Variants in IL17RD observed in about 807,000 individuals in gnomAD.
The protein encoded by IL17RD is interleukin 17 receptor D.
IL17RD carries 52 observed loss-of-function variants against 80.5 expected under a neutral mutation model. The observed-to-expected ratio is 0.65, with a 90% CI of 0.52 to 0.81. The LOEUF is 0.81. Among genes scored for constraint, IL17RD ranks in the 40% least tolerant of loss-of-function variants. The pLI is 0.00. For synonymous variants in IL17RD, 416 were observed against 391.8 expected (o/e 1.06, Z -0.73); for missense variants, 1,024 against 955.1 (o/e 1.07, Z -0.95).
At chr3:57,100,693 G>A (rs1448483988) in intron 11 of IL17RD, among the ~76,000 whole-genome samples, 1 of 151,996 alleles carries the variant, frequency 6.6e-6, no homozygotes, top group African/African-American at 2.4e-5. Context: ...CTTCTCCCTG[G>A]ACCTCAAGAT....
chr3:57,131,950 C>T (rs772390704), intron 1 of IL17RD, among the ~76,000 whole-genome samples: 3 of 152,192 alleles, frequency 2.0e-5, no homozygotes, highest in Non-Finnish European at 4.4e-5. Context: ...TTTTGGGAGG[C>T]GGAGGCCAGC....
intron 1 of IL17RD, among the ~76,000 whole-genome samples, chr3:57,136,508 G>A (rs1480285389): frequency 1.3e-5 from 2 of 151,844 alleles, no homozygotes; most frequent in Non-Finnish European, 2.9e-5. Flanking sequence ...GGTGGCATAC[G>A]CCTGTAGTCC....
chr3:57,107,816 G>GT (rs1480384954), intron 5 of IL17RD, among the ~76,000 whole-genome samples: 11 of 152,180 alleles, frequency 7.2e-5, no homozygotes, highest in Admixed American at 7.2e-4. Context: ...TCGGCATCTA[G>GT]TAAGTGGGGA....
In IL17RD at chr3:57,094,704, A is replaced by G. The variant is rs1560191069; in HGVS notation, c.*1689T>C. The G allele has an allele frequency of 6.6e-6, 1 of 152,252 alleles. No homozygotes were observed. Among genetic ancestry groups the G allele is most frequent in the Non-Finnish European group, 1.5e-5 (1 of 68,058 alleles). The allele number at this position is 152,252 out of a possible 1,614,324, so 9.4% of individuals were successfully genotyped here. On this transcript the variant is annotated 3_prime_UTR_variant, in exon 13 of 13. Coordinates refer to ENST00000296318, the MANE Select transcript of IL17RD (RefSeq NM_017563.5). ...TCTCCTTCACAGAATGCCTAGGATG[A>G]AATGGCGGGGCAGTCATGTGTGGGT...
chr3:57,163,323 T>G (rs1456583554), intron 1 of IL17RD, among the ~76,000 whole-genome samples: 1 of 152,102 alleles, frequency 6.6e-6, no homozygotes, highest in African/African-American at 2.4e-5. Context: ...AACGTCAGCA[T>G]AAGTGTGAGG....
At chr3:57,096,597 T>C in intron 12 of IL17RD, 92 bp from the exon 13 acceptor site, 5 of 902,096 alleles carry the variant, frequency 5.5e-6, no homozygotes, top group Non-Finnish European at 9.3e-6. Context: ...GATCTGGGTT[T>C]GGACTATGGG....
At chr3:57,146,061 T>A (rs759042119) in intron 1 of IL17RD, among the ~76,000 whole-genome samples, 11 of 146,318 alleles carry the variant, frequency 7.5e-5, no homozygotes, top group Non-Finnish European at 1.2e-4. Flanking sequence ...ACACACACAC[T>A]GATGCATGCA....
At position 57,120,284 on chromosome 3, in the gene IL17RD, C is replaced by G. The variant is rs370500415; in HGVS notation, c.156G>C (p.Gly52=). 107 of 1,613,562 alleles carry G rather than the reference C, an allele frequency of 6.6e-5. No homozygotes were observed. The highest frequency in any genetic ancestry group is 7.0e-5 in the Non-Finnish European group (82 of 1,179,592). ...RGVGPASRNS[G]LYNITFKYDN... The stretch of plus-strand genomic sequence containing the variant: ...CATATTTGAAGGTGATGTTGTACAG[C>G]CCACTGTTTCTGCTGGCTGGCCCCA... The change falls in exon 2 of 13, where the codon GGG becomes GGC. Residue 52 remains glycine, a synonymous_variant. Coordinates refer to ENST00000296318, the MANE Select transcript of IL17RD (RefSeq NM_017563.5).
At position 57,097,704 on chromosome 3, in the gene IL17RD, A is replaced by G. The variant is rs1579253249; in HGVS notation, c.1999T>C (p.Ser667Pro). 3 of 1,605,480 alleles carry G rather than the reference A, an allele frequency of 1.9e-6. No homozygotes were observed. The East Asian group carries it at 6.7e-5, about 36-fold the overall frequency. ...DMPRDSGIYD[S>P]SVPSSELSLP... ...GACAGCTCGGATGAGGGCACAGACG[A>G]GTCATAGATGCCTGAGTCCCGCGGC... is the stretch of plus-strand genomic sequence containing the variant. The change falls in exon 12 of 13, where the codon TCG (serine) becomes CCG (proline). Residue 667 changes from serine (S) to proline (P), a missense_variant. Ser to Pro is a moderately conservative substitution (Grantham distance 74). Transcript: ENST00000296318.
chr3:57,097,348 T>G (rs983197149), intron 12 of IL17RD: 2 of 544,146 alleles, frequency 3.7e-6, no homozygotes, highest in Non-Finnish European at 6.6e-6. Context: ...GTGCATAGTC[T>G]GTATGTGGCA....
upstream of IL17RD, chr3:57,165,431 C>G (rs2060342453): frequency 1.7e-6 from 1 of 584,622 alleles, no homozygotes. Flanking sequence ...GCCCCGCCCC[C>G]ACCCTCAGTC....
chr3:57,148,226 G>C (rs1300109401), intron 1 of IL17RD, among the ~76,000 whole-genome samples: 4 of 151,458 alleles, frequency 2.6e-5, no homozygotes, highest in Non-Finnish European at 5.9e-5. Flanking sequence ...TCAGGAGGCT[G>C]AGGCAGGAGA....
intron 1 of IL17RD, among the ~76,000 whole-genome samples, chr3:57,121,900 C>T (rs1361120764): frequency 1.3e-5 from 2 of 152,154 alleles, no homozygotes; most frequent in Non-Finnish European, 2.9e-5. Flanking sequence ...ACTCACTCCC[C>T]ATCTATTAGG....
chr3:57,103,254 A>C, intron 8 of IL17RD, 109 bp from the exon 9 acceptor site: 2 of 887,782 alleles, frequency 2.3e-6, no homozygotes, highest in Non-Finnish European at 3.6e-6. Flanking sequence ...CAGTGCGGGA[A>C]GGGGTGGGAA....
chr3:57,125,224 T>C (rs760331726), intron 1 of IL17RD, among the ~76,000 whole-genome samples: 118 of 152,082 alleles, frequency 7.8e-4, no homozygotes, highest in Non-Finnish European at 1.2e-3. Flanking sequence ...CTGGCCAACA[T>C]GGTAAAACCC....
chr3:57,112,688 GA>G (rs934202918), intron 3 of IL17RD, among the ~76,000 whole-genome samples: 1 of 152,062 alleles, frequency 6.6e-6, no homozygotes, highest in Admixed American at 6.6e-5. Flanking sequence ...ATTATTTTTG[GA>G]AACCCCAGTA....
intron 1 of IL17RD, chr3:57,134,309 T>C: frequency 1.5e-6 from 1 of 684,324 alleles, no homozygotes; most frequent in South Asian, 1.4e-5. Flanking sequence ...TGACTTTCCA[T>C]TCCCGGGCTT....
chr3:57,127,351 T>TAA (rs1196856184), intron 1 of IL17RD, among the ~76,000 whole-genome samples: 2 of 100,580 alleles, frequency 2.0e-5, no homozygotes, highest in Non-Finnish European at 3.4e-5. Context: ...TATATATAAA[T>TAA]ATATATAAAT....
intron 1 of IL17RD, among the ~76,000 whole-genome samples, chr3:57,124,525 GA>G (rs11284944): frequency 0.58 from 88,412 of 151,766 alleles, 26,009 homozygotes; most frequent in South Asian, 0.79. Context: ...GTGGATGGAG[GA>G]AGGAGGAGCT....
Sources: gnomAD v4.1 joint callset for allele counts (sites outside exome capture counted in the v4.1 genomes callset) on GRCh38, gnomAD v4.1.1 for gene constraint, MANE v1.5 for transcripts, NCBI Gene and HGNC (gene_info 2026-07-23, HGNC 2026-07-21) for gene names.